The following ZNF385D variants were observed in gnomAD, a reference collection of about 807,000 sequenced individuals.
ZNF385D encodes the protein zinc finger protein 659.
ZNF385D carries 15 observed loss-of-function variants against 35.8 expected under a neutral mutation model. The ratio of observed to expected loss-of-function variants is 0.42; its 90% CI spans 0.28 to 0.64. ZNF385D has a LOEUF of 0.64. Ranked by LOEUF, ZNF385D falls within the 30% of genes least tolerant of loss-of-function variation. The pLI, the probability that ZNF385D is intolerant of heterozygous loss-of-function variation, is 0.23. For synonymous variants in ZNF385D, 212 were observed against 186.8 expected, an observed-to-expected ratio of 1.13 and a Z score of -1.10; for missense variants, 474 against 494.6, an observed-to-expected ratio of 0.96 and a Z score of 0.39.
intron 1 of ZNF385D, among the ~76,000 whole-genome samples, chr3:21,738,539 A>T (rs1232760291): frequency 6.6e-6 from 1 of 152,212 alleles, no homozygotes; most frequent in African/African-American, 2.4e-5. Flanking sequence ...GTGAGTTGCC[A>T]TTATTATCTC....
intron 3 of ZNF385D, among the ~76,000 whole-genome samples, chr3:21,834,594 T>G (rs1695207388): frequency 6.6e-6 from 1 of 152,184 alleles, no homozygotes; most frequent in African/African-American, 2.4e-5. Context: ...TACTCCCAGC[T>G]AAGTGAGCCA....
chr3:22,167,874 T>A (rs1476602609), intron 3 of ZNF385D, among the ~76,000 whole-genome samples: 1 of 152,202 alleles, frequency 6.6e-6, no homozygotes, highest in Non-Finnish European at 1.5e-5. Flanking sequence ...TCCTTTCCAA[T>A]AGAATACTAC....
At chr3:21,997,064 A>G (rs74424435) in intron 3 of ZNF385D, among the ~76,000 whole-genome samples, 2,596 of 152,034 alleles carry the variant, frequency 0.017, 63 homozygotes, top group East Asian at 0.07. Flanking sequence ...AAAAACTGTG[A>G]TTTTTTTTCA....
At chr3:21,709,868 T>A (rs994941816) in intron 1 of ZNF385D, among the ~76,000 whole-genome samples, 1 of 152,192 alleles carries the variant, frequency 6.6e-6, no homozygotes, top group Non-Finnish European at 1.5e-5. Flanking sequence ...GCACTCTTTA[T>A]AATCACCAAA....
At chr3:22,159,324 TTTC>T (rs1705796660) in intron 3 of ZNF385D, among the ~76,000 whole-genome samples, 1 of 152,236 alleles carries the variant, frequency 6.6e-6, no homozygotes, top group African/African-American at 2.4e-5. Flanking sequence ...TTCATTCTCT[TTTC>T]TTTTTTGGCT....
chr3:21,549,486 G>C (rs963997778), intron 3 of ZNF385D, among the ~76,000 whole-genome samples: 10 of 152,182 alleles, frequency 6.6e-5, no homozygotes, highest in Non-Finnish European at 1.0e-4. Flanking sequence ...AAGGTTGTGA[G>C]ATAAAATGTG....
intron 4 of ZNF385D, among the ~76,000 whole-genome samples, chr3:21,467,541 G>A (rs182081264): frequency 8.0e-4 from 122 of 152,282 alleles, no homozygotes; most frequent in African/African-American, 2.8e-3. Flanking sequence ...CAGAAAGGGG[G>A]CAAGCTGGCA....
intron 3 of ZNF385D, among the ~76,000 whole-genome samples, chr3:22,096,214 T>C (rs778593489): frequency 6.6e-6 from 1 of 151,858 alleles, no homozygotes; most frequent in African/African-American, 2.4e-5. Context: ...GACTGTTGAG[T>C]AGCATGCTCA....
At chr3:21,957,691 C>T (rs2125311363) in intron 3 of ZNF385D, among the ~76,000 whole-genome samples, 1 of 152,214 alleles carries the variant, frequency 6.6e-6, no homozygotes, top group South Asian at 2.1e-4. Context: ...TAACCATCTG[C>T]CCCATCTCCT....
At chr3:21,809,389 T>A (rs1343244846) in intron 3 of ZNF385D, among the ~76,000 whole-genome samples, 1 of 145,760 alleles carries the variant, frequency 6.9e-6, no homozygotes, top group African/African-American at 2.5e-5. Flanking sequence ...AAACAAAAAA[T>A]ATATAATATT....
chr3:21,908,587 C>T (rs1348833693), intron 3 of ZNF385D, among the ~76,000 whole-genome samples: 1 of 152,016 alleles, frequency 6.6e-6, no homozygotes, highest in Non-Finnish European at 1.5e-5. Context: ...GGAAAGATTA[C>T]CTACAACAGT....
At chr3:21,562,375 C>T (rs2062982306) in intron 3 of ZNF385D, among the ~76,000 whole-genome samples, 1 of 151,990 alleles carries the variant, frequency 6.6e-6, no homozygotes, top group South Asian at 2.1e-4. Flanking sequence ...CATCAATCTA[C>T]AGAATTAGAA....
chr3:21,862,714 T>C (rs186518978), intron 3 of ZNF385D, among the ~76,000 whole-genome samples: 63 of 152,300 alleles, frequency 4.1e-4, no homozygotes, highest in Non-Finnish European at 2.9e-5. Context: ...GGCCAGCAGC[T>C]AGCTGTGCCT....
intron 3 of ZNF385D, among the ~76,000 whole-genome samples, chr3:22,004,377 GTAT>G (rs34800993): frequency 0.27 from 41,223 of 151,882 alleles, 6,150 homozygotes; most frequent in South Asian, 0.43. Context: ...CTAAACAAAA[GTAT>G]TATGGCCTAG....
chr3:21,586,656 A>G (rs952948952), intron 2 of ZNF385D, among the ~76,000 whole-genome samples: 1 of 152,210 alleles, frequency 6.6e-6, no homozygotes, highest in Non-Finnish European at 1.5e-5. Context: ...GAATTCAGTC[A>G]GTGCTGACAA....
chr3:21,887,838 A>G (rs1698628052), intron 3 of ZNF385D, among the ~76,000 whole-genome samples: 1 of 152,132 alleles, frequency 6.6e-6, no homozygotes, highest in Non-Finnish European at 1.5e-5. Context: ...TTGAAAAGAA[A>G]AAAATGCATG....
At chr3:21,759,886 C>G (rs2070523514) in intron 3 of ZNF385D, among the ~76,000 whole-genome samples, 2 of 152,140 alleles carry the variant, frequency 1.3e-5, no homozygotes, top group South Asian at 2.1e-4. Context: ...GTGATAACAA[C>G]TATCTAGAGT....
intron 3 of ZNF385D, among the ~76,000 whole-genome samples, chr3:22,061,639 C>T (rs990014344): frequency 1.3e-5 from 2 of 152,162 alleles, no homozygotes; most frequent in Non-Finnish European, 2.9e-5. Context: ...TTCAACAGTT[C>T]ATCCATACAA....
intron 2 of ZNF385D, among the ~76,000 whole-genome samples, chr3:22,170,516 C>T (rs1303516419): frequency 1.3e-5 from 2 of 152,114 alleles, no homozygotes; most frequent in South Asian, 2.1e-4. Context: ...ATAACGCATG[C>T]TTTCTTTGTG....
Sources: allele counts gnomAD v4.1 joint callset (sites outside exome capture counted in the v4.1 genomes callset), GRCh38; gene constraint gnomAD v4.1.1; transcripts MANE v1.5; gene names NCBI Gene and HGNC (gene_info 2026-07-23, HGNC 2026-07-21).